MAF: variants seen among roughly 807,000 people sequenced by gnomAD.
The protein encoded by MAF is MAF bZIP transcription factor.
Under a neutral mutation model 22.0 loss-of-function variants are expected in MAF, and 10 were observed. The observed-to-expected ratio is 0.45, with a 90% CI of 0.28 to 0.77. MAF has a LOEUF of 0.77. MAF is among the 30% of genes least tolerant of loss of function. The pLI, the probability that MAF is intolerant of heterozygous loss-of-function variation, is 0.12. For missense variants in MAF, 544 were observed against 548.4 expected (o/e 0.99, Z 0.08); for synonymous variants, 337 against 255.8 (o/e 1.32, Z -3.03).
chr16:79,216,683 G>T, the MAF span, among the ~76,000 whole-genome samples: 15 of 152,030 alleles, frequency 9.9e-5, no homozygotes, highest in African/African-American at 3.6e-4. Flanking sequence ...ATGCATTTTT[G>T]ACTTATATTT....
chr16:79,564,363 G>A, the MAF span, among the ~76,000 whole-genome samples: 17 of 152,330 alleles, frequency 1.1e-4, 1 homozygote, highest in South Asian at 4.1e-4. Context: ...GAATTATGGG[G>A]AAGAAAAGTG....
chr16:79,259,832 G>A, the MAF span, among the ~76,000 whole-genome samples: 2 of 152,192 alleles, frequency 1.3e-5, no homozygotes, highest in African/African-American at 2.4e-5. Context: ...CCAGAGGAGG[G>A]TGGATTTGAT....
chr16:79,461,045 G>A, the MAF span, among the ~76,000 whole-genome samples: 4 of 152,172 alleles, frequency 2.6e-5, no homozygotes, highest in East Asian at 5.8e-4. Flanking sequence ...AAAAACACAT[G>A]TATTTGTGAA....
At chr16:79,294,610 G>A in the MAF span, among the ~76,000 whole-genome samples, 1 of 152,280 alleles carries the variant, frequency 6.6e-6, no homozygotes, top group Non-Finnish European at 1.5e-5. Flanking sequence ...TATCTTATTT[G>A]ATCCTTGACT....
chr16:79,459,849 C>A, the MAF span, among the ~76,000 whole-genome samples: 79,418 of 151,996 alleles, frequency 0.52, 23,734 homozygotes, highest in East Asian at 0.71. Flanking sequence ...CAGGCATGAG[C>A]CACTGTGCCT....
the MAF span, among the ~76,000 whole-genome samples, chr16:79,419,424 A>G: frequency 3.3e-5 from 5 of 152,344 alleles, no homozygotes; most frequent in South Asian, 1.0e-3. Context: ...TGCTAGAAGC[A>G]TCCTAGGTTT....
chr16:79,516,436 A>C, the MAF span: 1 of 152,348 alleles, frequency 6.6e-6, no homozygotes, highest in East Asian at 1.9e-4. Context: ...TTTCCTTAGA[A>C]CAAGGCAAAG....
At chr16:79,538,250 G>A in the MAF span, among the ~76,000 whole-genome samples, 2 of 152,178 alleles carry the variant, frequency 1.3e-5, no homozygotes, top group African/African-American at 4.8e-5. Context: ...AAATAGCCCT[G>A]AAACGTTTCT....
chr16:79,367,617 G>A, the MAF span, among the ~76,000 whole-genome samples: 18 of 152,178 alleles, frequency 1.2e-4, no homozygotes, highest in African/African-American at 4.1e-4. Flanking sequence ...GTTTTTTATT[G>A]TGCTGTCCAA....
the MAF span, among the ~76,000 whole-genome samples, chr16:79,464,308 T>A: frequency 6.6e-6 from 1 of 152,048 alleles, no homozygotes; most frequent in Non-Finnish European, 1.5e-5. Context: ...TGTGTAGAGA[T>A]AACTGAGAGG....
chr16:79,559,988 T>G, the MAF span, among the ~76,000 whole-genome samples: 2 of 152,170 alleles, frequency 1.3e-5, no homozygotes, highest in Admixed American at 1.3e-4. Context: ...GCTGCAGCTG[T>G]GAACCTCTGG....
At chr16:79,587,536 G>A (rs1912920965) in intron 1 of MAF, among the ~76,000 whole-genome samples, 1 of 152,024 alleles carries the variant, frequency 6.6e-6, no homozygotes, top group Admixed American at 6.6e-5. Context: ...CCTTGGGGAC[G>A]TTGCAAACAT....
the MAF span, among the ~76,000 whole-genome samples, chr16:79,236,335 C>T: frequency 6.6e-6 from 1 of 151,918 alleles, no homozygotes; most frequent in Non-Finnish European, 1.5e-5. Context: ...CCCTCCCTCT[C>T]CCTCCTCCAG....
At chr16:79,236,430 C>T in the MAF span, among the ~76,000 whole-genome samples, 1 of 152,068 alleles carries the variant, frequency 6.6e-6, no homozygotes, top group Non-Finnish European at 1.5e-5. Flanking sequence ...GAAAGTCAAG[C>T]ATTCCCACCT....
downstream of MAF, among the ~76,000 whole-genome samples, chr16:79,589,211 T>C (rs1913042411): frequency 6.6e-6 from 1 of 152,154 alleles, no homozygotes. Context: ...ATTAGTGGTT[T>C]TAAAAGTCTG....
chr16:79,257,777 G>C, the MAF span, among the ~76,000 whole-genome samples: 3 of 152,020 alleles, frequency 2.0e-5, no homozygotes, highest in Non-Finnish European at 4.4e-5. Flanking sequence ...TCATGTTCAA[G>C]AAGAACACTC....
the MAF span, among the ~76,000 whole-genome samples, chr16:79,503,169 T>G: frequency 4.6e-5 from 7 of 152,136 alleles, no homozygotes; most frequent in African/African-American, 1.4e-4. Flanking sequence ...GAATGAAGAA[T>G]GCCCAAGATT....
chr16:79,407,946 G>C, the MAF span, among the ~76,000 whole-genome samples: 1 of 152,040 alleles, frequency 6.6e-6, no homozygotes, highest in African/African-American at 2.4e-5. Flanking sequence ...GGCCAGGAAT[G>C]AGTATCAAGG....
chr16:79,549,137 T>C, the MAF span, among the ~76,000 whole-genome samples: 3 of 152,170 alleles, frequency 2.0e-5, no homozygotes, highest in Non-Finnish European at 4.4e-5. Context: ...TGCATACATA[T>C]AGTTAATGGG....
Sources: allele counts gnomAD v4.1 joint callset (sites outside exome capture counted in the v4.1 genomes callset), GRCh38; gene constraint gnomAD v4.1.1; transcripts MANE v1.5; gene names NCBI Gene and HGNC (gene_info 2026-07-23, HGNC 2026-07-21).